The following EYS variants were observed in gnomAD, a reference collection of about 807,000 sequenced individuals.
EYS encodes the protein EGF-like photoreceptor maintenance factor.
A neutral mutation model predicts 282.1 loss-of-function variants in EYS; 250 were observed. The ratio of observed to expected loss-of-function variants is 0.89; its 90% confidence interval spans 0.80 to 0.98. The LOEUF (loss-of-function observed/expected upper bound fraction) is 0.98, where lower values mean the gene tolerates loss of function less well. Ranked by LOEUF, EYS falls within the 50% of genes least tolerant of loss-of-function variation. EYS has a pLI of 0.00. For synonymous variants in EYS, 1,355 were observed against 1,282.9 expected (o/e 1.06, Z -1.20); for missense variants, 4,016 against 3,709.0 (o/e 1.08, Z -2.15).
At chr6:65,046,380 T>C (rs1464766686) in intron 13 of EYS, among the ~76,000 whole-genome samples, 2 of 151,902 alleles carry the variant, frequency 1.3e-5, no homozygotes, top group African/African-American at 4.8e-5. Flanking sequence ...TAGAAGTGCA[T>C]TCGGCTCAGG....
intron 8 of EYS, among the ~76,000 whole-genome samples, chr6:65,363,614 A>G (rs1433979777): frequency 6.6e-6 from 1 of 151,816 alleles, no homozygotes; most frequent in East Asian, 1.9e-4. Context: ...TGACTTTAAT[A>G]TTCTTTTTAA....
chr6:64,918,016 AATTC>A (rs1389251959), intron 15 of EYS, among the ~76,000 whole-genome samples: 1 of 152,108 alleles, frequency 6.6e-6, no homozygotes, highest in African/African-American at 2.4e-5. Flanking sequence ...CGAATTAAAT[AATTC>A]ATTCATTATT....
chr6:64,818,456 C>G (rs1347597544), intron 21 of EYS, among the ~76,000 whole-genome samples: 2 of 152,082 alleles, frequency 1.3e-5, no homozygotes, highest in African/African-American at 4.8e-5. Flanking sequence ...AGTACTGACT[C>G]ACACTATCAC....
At chr6:65,509,413 T>A (rs1321693460) in intron 2 of EYS, among the ~76,000 whole-genome samples, 1 of 152,236 alleles carries the variant, frequency 6.6e-6, no homozygotes, top group Non-Finnish European at 1.5e-5. Context: ...GGTGGTCTTT[T>A]TAACTTTTGC....
At position 64,551,767 on chromosome 6, in the gene EYS, A is replaced by G. The variant is rs1438250810; in HGVS notation, c.5644+38456T>C. 2.0e-5 allele frequency among the ~76,000 whole-genome samples: 3 copies of G among 152,160 alleles called. No homozygotes were observed. The East Asian group carries it at 5.8e-4, about 29-fold the overall frequency. ...TAGTGAAAAGCATTTTCCTTTATAG[A>G]AAAAATTTTCACACACTAACTTCCA... is the stretch of plus-strand genomic sequence containing the variant. On this transcript the variant is annotated intron_variant, in intron 26 of 42. Transcript: ENST00000503581.
chr6:65,554,161 G>C (rs1408712224), intron 2 of EYS, among the ~76,000 whole-genome samples: 1 of 152,130 alleles, frequency 6.6e-6, no homozygotes, highest in Admixed American at 6.6e-5. Flanking sequence ...CTGTCTTCTA[G>C]CCTCTGGAAC....
intron 33 of EYS, among the ~76,000 whole-genome samples, chr6:64,031,205 A>T (rs1769813779): frequency 6.6e-6 from 1 of 152,126 alleles, no homozygotes; most frequent in South Asian, 2.1e-4. Flanking sequence ...TTTGCAGGCC[A>T]GCATGAGTTC....
At chr6:64,524,325 A>G (rs1777849417) in intron 26 of EYS, among the ~76,000 whole-genome samples, 2 of 151,738 alleles carry the variant, frequency 1.3e-5, no homozygotes, top group Admixed American at 1.3e-4. Context: ...CTTTAAGATA[A>G]AAATTAAAAT....
rs1195561613 is a variant in EYS, at chr6:63,887,206, TTTCAC to T, written c.7056-22853_7056-22849del. 2.6e-5 allele frequency among the ~76,000 whole-genome samples: 4 copies of T among 152,220 alleles called. No homozygotes were observed. In the East Asian group the frequency reaches 7.7e-4, roughly 29 times the overall value. ...ACTTTTCTCCAGGGACATGCTACAG[TTTCAC>T]TTCTTTATGTTGAGCATGGAATATA... On this transcript the variant is annotated intron_variant, in intron 35 of 42. Transcript: ENST00000503581.
chr6:64,850,869 A>G lies in EYS; in HGVS notation c.2993-28047T>C, dbSNP rs149396662. Among the ~76,000 whole-genome samples the G allele has an allele frequency of 2.0e-3, 308 of 152,224 alleles. 2 individuals are homozygous for G. Among genetic ancestry groups the G allele is most frequent in the African/African-American group, 6.8e-3 (284 of 41,568 alleles). On this transcript the variant is annotated intron_variant, in intron 19 of 42. Coordinates refer to ENST00000503581, the MANE Select transcript of EYS (RefSeq NM_001142800.2). ...ACATGATTTATTTTGAAATAGCTAG[A>G]TGACAACCAACATAATTTTATTGTA...
intron 29 of EYS, among the ~76,000 whole-genome samples, chr6:64,338,941 A>G (rs76145259): frequency 2.7e-5 from 4 of 148,496 alleles, no homozygotes; most frequent in Non-Finnish European, 6.0e-5. Context: ...ATATAGGAGA[A>G]TGAAACTGGA....
intron 42 of EYS, 104 bp downstream of exon 42, chr6:63,726,415 C>A (rs1177746738): frequency 3.0e-6 from 3 of 1,006,770 alleles, no homozygotes; most frequent in Non-Finnish European, 4.2e-6. Flanking sequence ...ATAAAAGCAT[C>A]AAATGTTTAC....
At chr6:64,989,980 G>A (rs1219597176) in intron 14 of EYS, among the ~76,000 whole-genome samples, 1 of 151,012 alleles carries the variant, frequency 6.6e-6, no homozygotes, top group Admixed American at 6.6e-5. Context: ...TTCTCTATTT[G>A]TGTAGGTACA....
At chr6:64,432,132 C>T (rs573263369) in intron 28 of EYS, among the ~76,000 whole-genome samples, 1 of 152,110 alleles carries the variant, frequency 6.6e-6, no homozygotes, top group East Asian at 1.9e-4. Flanking sequence ...GGTTATTTGG[C>T]TTTGCAGAGT....
At chr6:65,439,571 T>TG (rs1482673029) in intron 5 of EYS, among the ~76,000 whole-genome samples, 2 of 152,134 alleles carry the variant, frequency 1.3e-5, no homozygotes, top group Non-Finnish European at 2.9e-5. Flanking sequence ...CCACATCCCT[T>TG]GTAAGTTGGA....
intron 33 of EYS, among the ~76,000 whole-genome samples, chr6:64,066,005 C>T (rs3003690): frequency 1 from 152,320 of 152,322 alleles, 76,159 homozygotes; most frequent in Middle Eastern, 1. Flanking sequence ...GGCTCATGCC[C>T]GTAATCCCAA....
intron 22 of EYS, among the ~76,000 whole-genome samples, chr6:64,655,494 T>C (rs1289545839): frequency 6.6e-6 from 1 of 151,994 alleles, no homozygotes; most frequent in Non-Finnish European, 1.5e-5. Flanking sequence ...TAGCCCTTCA[T>C]TGTGGAGCAT....
chr6:64,191,128 T>C (rs990678913), intron 31 of EYS, among the ~76,000 whole-genome samples: 1 of 152,110 alleles, frequency 6.6e-6, no homozygotes, highest in African/African-American at 2.4e-5. Context: ...GGTATATATA[T>C]CTTCTTCCAT....
chr6:64,636,334 T>C (rs1767979562), intron 22 of EYS, among the ~76,000 whole-genome samples: 1 of 152,080 alleles, frequency 6.6e-6, no homozygotes, highest in South Asian at 2.1e-4. Flanking sequence ...AAACAAGAAA[T>C]GAGGAAAGCG....
Sources: allele counts gnomAD v4.1 joint callset (sites outside exome capture counted in the v4.1 genomes callset), GRCh38; gene constraint gnomAD v4.1.1; transcripts MANE v1.5; gene names NCBI Gene and HGNC (gene_info 2026-07-23, HGNC 2026-07-21).